The following DSCAML1 variants were observed in gnomAD, a reference collection of about 807,000 sequenced individuals.
DSCAML1 encodes cell adhesion molecule DSCAML1.
DSCAML1 carries 38 observed loss-of-function variants against 200.5 expected under a neutral mutation model. That is an observed-to-expected ratio of 0.19 (90% CI 0.15 to 0.25). DSCAML1 has a LOEUF of 0.25. Among genes scored for constraint, DSCAML1 ranks in the 10% least tolerant of loss-of-function variants. DSCAML1 has a pLI of 1.00. For synonymous variants in DSCAML1, 1,215 were observed against 1,165.0 expected (o/e 1.04, Z -0.87); for missense variants, 2,223 against 2,858.8 (o/e 0.78, Z 5.07).
chr11:117,469,310 G>A lies in DSCAML1; in HGVS notation c.3024+600C>T, dbSNP rs1456169822. Among the ~76,000 whole-genome samples the A allele has an allele frequency of 2.0e-5, 3 of 152,176 alleles. No individual in the cohort carries two copies. Among genetic ancestry groups the A allele is most frequent in the Non-Finnish European group, 4.4e-5 (3 of 68,028 alleles). On this transcript the variant is annotated intron_variant, in intron 16 of 32. Transcript: ENST00000651296. The surrounding 1 kb of genome is among the most constrained non-coding windows in gnomAD (Gnocchi z 4.1). ...ATGCCCATGGAGGGGTTTGGTGGTA[G>A]GGCCAGAAGATGCCCATTTCTGAGT...
chr11:117,592,014 T>C (rs572836416), intron 3 of DSCAML1, among the ~76,000 whole-genome samples: 5 of 152,048 alleles, frequency 3.3e-5, no homozygotes, highest in Non-Finnish European at 7.4e-5. Flanking sequence ...CTGGGCCAGG[T>C]TGGGTGACAG....
At chr11:117,810,788 AG>A (rs2055754391) in intron 1 of DSCAML1, among the ~76,000 whole-genome samples, 1 of 152,220 alleles carries the variant, frequency 6.6e-6, no homozygotes, top group Non-Finnish European at 1.5e-5. Flanking sequence ...AAATGATCTG[AG>A]GTGCCTGACG....
chr11:117,464,161 G>A (rs1252753144), intron 17 of DSCAML1, among the ~76,000 whole-genome samples: 1 of 152,128 alleles, frequency 6.6e-6, no homozygotes, highest in Non-Finnish European at 1.5e-5. Context: ...TGACTCGGGG[G>A]GCTTTGGCCT....
At chr11:117,502,914 A>AC (rs1173099229) in intron 11 of DSCAML1, among the ~76,000 whole-genome samples, 1 of 152,102 alleles carries the variant, frequency 6.6e-6, no homozygotes, top group African/African-American at 2.4e-5. Context: ...TCAAGGTCCC[A>AC]CGACAGTAAG....
At chr11:117,532,280 G>T (rs528986287) in intron 4 of DSCAML1, 96 bp downstream of exon 4, 60 of 1,250,896 alleles carry the variant, frequency 4.8e-5, no homozygotes, top group Non-Finnish European at 6.2e-5. Flanking sequence ...TACACAGGGG[G>T]CTCCTCCATC....
At chr11:117,680,587 C>T (rs1031431732) in intron 3 of DSCAML1, among the ~76,000 whole-genome samples, 1 of 152,332 alleles carries the variant, frequency 6.6e-6, no homozygotes, top group South Asian at 2.1e-4. Context: ...CATGATAAGG[C>T]AGCCAGCAGA....
At chr11:117,474,474 T>C (rs1306150899) in intron 14 of DSCAML1, among the ~76,000 whole-genome samples, 1 of 152,164 alleles carries the variant, frequency 6.6e-6, no homozygotes, top group East Asian at 1.9e-4. Flanking sequence ...TCTATTTTCA[T>C]CTCTGCGCAG....
chr11:117,510,014 A>G (rs2049587177), intron 8 of DSCAML1, among the ~76,000 whole-genome samples: 1 of 152,212 alleles, frequency 6.6e-6, no homozygotes, highest in African/African-American at 2.4e-5. Flanking sequence ...AGGTGCTGCA[A>G]TGGTGAAGAG....
intron 3 of DSCAML1, among the ~76,000 whole-genome samples, chr11:117,614,336 T>C (rs2051765576): frequency 6.6e-6 from 1 of 152,152 alleles, no homozygotes; most frequent in South Asian, 2.1e-4. Flanking sequence ...GAGTGCTATA[T>C]ACACCACTGG....
intron 1 of DSCAML1, among the ~76,000 whole-genome samples, chr11:117,802,363 C>T (rs1049819935): frequency 1.3e-5 from 2 of 152,136 alleles, no homozygotes; most frequent in African/African-American, 4.8e-5. Context: ...GCTATTTAGG[C>T]ATGTGTCTGA....
Position 117,594,605 on chromosome 11 carries a change from G to A in DSCAML1, c.512-62083C>T, listed in dbSNP as rs116789252. On this transcript the variant is annotated intron_variant, in intron 3 of 32. Coordinates refer to ENST00000651296, the MANE Select transcript of DSCAML1 (RefSeq NM_020693.4). ...ATCTGTGTTCTGGGTGTCCCCAGCG[G>A]GCTGGGTTAGATCACCTCCACCTGA... Among the ~76,000 whole-genome samples, 1,102 of 152,296 alleles carry A rather than the reference G, an allele frequency of 7.2e-3. 6 individuals carry two copies. Among genetic ancestry groups the A allele is most frequent in the African/African-American group, 0.024 (1,001 of 41,562 alleles).
intron 8 of DSCAML1, among the ~76,000 whole-genome samples, chr11:117,511,794 C>T (rs1348238136): frequency 6.6e-6 from 1 of 152,252 alleles, no homozygotes; most frequent in South Asian, 2.1e-4. Context: ...GTGGACAACA[C>T]ACTTGCGTAT....
Position 117,521,347 on chromosome 11 carries a change from G to T in DSCAML1, c.996C>A (p.Val332=). 3 of 1,614,178 alleles carry T rather than the reference G, an allele frequency of 1.9e-6. No individual in the cohort carries two copies. Among genetic ancestry groups the T allele is most frequent in the South Asian group, 1.1e-5 (1 of 91,070 alleles). ...AGCCCGTCAGGGCACAGGAGAGGAT[G>T]ACCGTGCTGCCAATGCCGGTCTTCA... ...KKLKTGIGST[V]ILSCALTGSP... The change falls in exon 6 of 33, where the codon GTC becomes GTA. Residue 332 remains valine (V), a synonymous_variant. Coordinates refer to ENST00000651296, the MANE Select transcript of DSCAML1 (RefSeq NM_020693.4).
chr11:117,582,481 A>C (rs2051058151), intron 3 of DSCAML1, among the ~76,000 whole-genome samples: 1 of 152,334 alleles, frequency 6.6e-6, no homozygotes, highest in East Asian at 1.9e-4. Flanking sequence ...ATAATTGTCA[A>C]GATGTGCATA....
In DSCAML1 at chr11:117,518,773, C is replaced by T. The variant is rs779155182; in HGVS notation, c.1214-11G>A. 48 of 1,605,560 alleles carry T rather than the reference C, an allele frequency of 3.0e-5. No homozygotes were observed. In the East Asian group the frequency reaches 7.6e-4, roughly 25 times the overall value. ...TGCGGGGCGTGCCATCTGCAGGGAG[C>T]GAGAAGCCCCCTTCAGGGTCACCAA... On this transcript the variant is annotated splice_polypyrimidine_tract_variant and intron_variant, in intron 6 of 32. Coordinates refer to ENST00000651296, the MANE Select transcript of DSCAML1 (RefSeq NM_020693.4). The surrounding 1 kb of genome is among the most constrained non-coding windows in gnomAD (Gnocchi z 6.3).
At chr11:117,716,188 A>T (rs1013555190) in intron 3 of DSCAML1, among the ~76,000 whole-genome samples, 4 of 152,262 alleles carry the variant, frequency 2.6e-5, no homozygotes, top group Non-Finnish European at 5.9e-5. Flanking sequence ...CGAGGAGCCA[A>T]GAAGGTGCTT....
At chr11:117,501,589 G>T (rs188775858) in intron 11 of DSCAML1, among the ~76,000 whole-genome samples, 3 of 152,254 alleles carry the variant, frequency 2.0e-5, no homozygotes, top group Admixed American at 2.0e-4. Flanking sequence ...CAGGTCACTG[G>T]GGAGAGTGGG....
chr11:117,736,274 C>G (rs1410626780), intron 3 of DSCAML1, among the ~76,000 whole-genome samples: 1 of 152,146 alleles, frequency 6.6e-6, no homozygotes, highest in Non-Finnish European at 1.5e-5. Context: ...GTGTCTGCGT[C>G]GGGCCTTGAT....
chr11:117,724,558 T>C (rs1417546808), intron 3 of DSCAML1, among the ~76,000 whole-genome samples: 7 of 152,232 alleles, frequency 4.6e-5, no homozygotes, highest in Non-Finnish European at 8.8e-5. Context: ...GCTAACTTTA[T>C]TTGCTCAGTA....
Sources: allele counts gnomAD v4.1 joint callset (sites outside exome capture counted in the v4.1 genomes callset), GRCh38; gene constraint gnomAD v4.1.1; non-coding constraint Gnocchi (gnomAD v3.1); transcripts MANE v1.5; gene names NCBI Gene and HGNC (gene_info 2026-07-23, HGNC 2026-07-21).